FOLH1: variants seen among roughly 807,000 people sequenced by gnomAD.
FOLH1 encodes the protein glutamate carboxypeptidase 2.
Under a neutral mutation model 93.9 loss-of-function variants are expected in FOLH1, and 54 were observed. The observed-to-expected ratio is 0.57, with a 90% CI of 0.46 to 0.72. The LOEUF (loss-of-function observed/expected upper bound fraction) is 0.72, where lower values mean the gene tolerates loss of function less well. Among genes scored for constraint, FOLH1 ranks in the 30% least tolerant of loss-of-function variants. The pLI is 0.00. For missense variants in FOLH1, 571 were observed against 892.5 expected (o/e 0.64, Z 4.59); for synonymous variants, 249 against 303.6 (o/e 0.82, Z 1.87).
chr11:49,146,477 G>C lies in FOLH1; in HGVS notation c.*279C>G, dbSNP rs1855787839. On this transcript the variant is annotated 3_prime_UTR_variant, in exon 19 of 19. Transcript: ENST00000256999. ...TAGACTTGATTCCCTGATAATGCCA[G>C]ATGAGAGTTTTACTATATTAGGCCA... Among the ~76,000 whole-genome samples the C allele has an allele frequency of 6.6e-6, 1 of 152,166 alleles. No homozygotes were observed.
chr11:49,167,834 A>C (rs1858601505), intron 12 of FOLH1, among the ~76,000 whole-genome samples: 4 of 152,052 alleles, frequency 2.6e-5, no homozygotes, highest in Non-Finnish European at 5.9e-5. Flanking sequence ...AGACAAACAA[A>C]AAAACAGAAG....
At chr11:49,169,069 A>C (rs1858854994) in intron 12 of FOLH1, 126 bp downstream of exon 12, 4 of 1,011,338 alleles carry the variant, frequency 4.0e-6, no homozygotes, top group Non-Finnish European at 6.0e-6. Flanking sequence ...GCTTCCTGTC[A>C]GAGGTTGCAG....
intron 3 of FOLH1, among the ~76,000 whole-genome samples, chr11:49,197,551 T>C (rs556954244): frequency 7.7e-4 from 118 of 152,354 alleles, no homozygotes; most frequent in African/African-American, 2.7e-3. Flanking sequence ...TGTCTCTGTA[T>C]ACATTAAAAA....
At chr11:49,207,451 T>A (rs1864103944) in intron 1 of FOLH1, among the ~76,000 whole-genome samples, 1 of 152,248 alleles carries the variant, frequency 6.6e-6, no homozygotes, top group African/African-American at 2.4e-5. Flanking sequence ...CATGCCCTGT[T>A]CTTCTAAATC....
chr11:49,158,218 T>C (rs556487625), intron 13 of FOLH1, among the ~76,000 whole-genome samples, 175 bp from the exon 14 acceptor site: 1 of 152,240 alleles, frequency 6.6e-6, no homozygotes, highest in African/African-American at 2.4e-5. Flanking sequence ...AAAATACTCA[T>C]GTGATTATAT....
intron 4 of FOLH1, among the ~76,000 whole-genome samples, chr11:49,191,059 T>C (rs1861972550): frequency 6.6e-6 from 1 of 152,214 alleles, no homozygotes; most frequent in Non-Finnish European, 1.5e-5. Flanking sequence ...GCAGATCACC[T>C]GAGGTCAGGA....
At chr11:49,161,093 T>C (rs1451345993) in intron 13 of FOLH1, among the ~76,000 whole-genome samples, 1 of 152,230 alleles carries the variant, frequency 6.6e-6, no homozygotes, top group Non-Finnish European at 1.5e-5. Flanking sequence ...ATGAGAAGAA[T>C]GTCTATTCTG....
intron 13 of FOLH1, among the ~76,000 whole-genome samples, chr11:49,163,502 C>G (rs1312298053): frequency 6.9e-6 from 1 of 145,532 alleles, no homozygotes; most frequent in Non-Finnish European, 1.5e-5. Flanking sequence ...CACCTCCCTG[C>G]CCCCCACCAC....
At chr11:49,151,214 C>T (rs1856475611) in intron 17 of FOLH1, among the ~76,000 whole-genome samples, 1 of 152,166 alleles carries the variant, frequency 6.6e-6, no homozygotes, top group Admixed American at 6.5e-5. Flanking sequence ...TATTTGGCAT[C>T]ATGAATTCAG....
At chr11:49,207,267 G>C (rs914831521) in intron 1 of FOLH1, among the ~76,000 whole-genome samples, 14 of 152,192 alleles carry the variant, frequency 9.2e-5, no homozygotes, top group African/African-American at 3.4e-4. Context: ...GAACTCTTCT[G>C]TGTCAGCCAC....
intron 7 of FOLH1, 50 bp downstream of exon 7, chr11:49,183,099 T>C (rs374791440): frequency 1.3e-6 from 2 of 1,502,392 alleles, no homozygotes; most frequent in South Asian, 1.2e-5. Context: ...TTGAAAACTG[T>C]CAATAAGAAA....
chr11:49,190,758 A>C (rs1032561655), intron 4 of FOLH1, among the ~76,000 whole-genome samples: 11 of 152,234 alleles, frequency 7.2e-5, no homozygotes, highest in Non-Finnish European at 1.3e-4. Context: ...CATAAAGCAG[A>C]GTCCCATATT....
chr11:49,162,230 G>C (rs1348885112), intron 13 of FOLH1, among the ~76,000 whole-genome samples: 3 of 151,890 alleles, frequency 2.0e-5, no homozygotes, highest in Non-Finnish European at 4.4e-5. Context: ...TTCCAAGCTG[G>C]TTCCATTCTT....
chr11:49,181,818 C>T (rs1049320949), intron 7 of FOLH1, among the ~76,000 whole-genome samples: 4 of 152,044 alleles, frequency 2.6e-5, no homozygotes, highest in Non-Finnish European at 5.9e-5. Context: ...TCTTAATCTG[C>T]CCTTAAATTG....
intron 12 of FOLH1, among the ~76,000 whole-genome samples, chr11:49,167,624 G>C (rs1033516250): frequency 2.0e-5 from 3 of 152,070 alleles, no homozygotes; most frequent in African/African-American, 4.8e-5. Flanking sequence ...AGACCAACCT[G>C]GGTAATATGG....
chr11:49,154,473 C>A lies in FOLH1; in HGVS notation c.1643G>T (p.Gly548Val). 6.3e-7 allele frequency: 1 copy of A among 1,585,246 alleles called. No individual in the cohort carries two copies. The highest frequency in any genetic ancestry group is 1.1e-5 in the South Asian group (1 of 88,080). Reference protein sequence around the residue: ...TKNWETNKFSGYPLYHSVYET... With the variant: ...TKNWETNKFSVYPLYHSVYET... ...ATAGACACTGTGATACAGTGGATAG[C>A]CGCTGAATTTGTTTGTTTCCTACAG... is the stretch of plus-strand genomic sequence containing the variant. Residue 548 changes from glycine to valine, a missense_variant, in exon 16 of 19, where the codon GGC (glycine) becomes GTC (valine). Coordinates refer to ENST00000256999, the MANE Select transcript of FOLH1 (RefSeq NM_004476.3).
rs138028811 is a variant in FOLH1, at chr11:49,186,714, C to A, written c.569G>T (p.Arg190Leu). 19 of 1,612,938 alleles carry A rather than the reference C, an allele frequency of 1.2e-5. No homozygotes were observed. Among genetic ancestry groups the A allele is most frequent in the Non-Finnish European group, 1.6e-5 (19 of 1,179,560 alleles). The change falls in exon 5 of 19, where the codon CGG (arginine) becomes CTG (leucine). Residue 190 changes from arginine (R) to leucine (L), a missense_variant. This residue lies in a region of FOLH1 where 500 missense variants were observed against 822.9 expected (regional missense o/e 0.61). Transcript: ENST00000256999. ...CCCAGAGCAATTGATTTTCATGTCC[C>A]GTTCCAATTTAAAGAAGTCTTCAGT... ...ARTEDFFKLE[R>L]DMKINCSGKI...
chr11:49,179,334 G>A (rs1860462404), intron 7 of FOLH1, among the ~76,000 whole-genome samples: 1 of 152,148 alleles, frequency 6.6e-6, no homozygotes, highest in African/African-American at 2.4e-5. Context: ...AATCACGTCT[G>A]TAAAACGAGC....
Position 49,147,985 on chromosome 11 carries a change from T to A in FOLH1, c.2063+654A>T, listed in dbSNP as rs569071467. Reference sequence around the variant, plus strand: ...AAATATGCTGCTACTGGTGATCTGATCCAGTCAACCTGCTTGGAAGATGCT... The same window carrying A: ...AAATATGCTGCTACTGGTGATCTGAACCAGTCAACCTGCTTGGAAGATGCT... On this transcript the variant is annotated intron_variant, in intron 18 of 18. Transcript: ENST00000256999. Among the ~76,000 whole-genome samples, 5 of 152,026 alleles carry A rather than the reference T, an allele frequency of 3.3e-5. No individual in the cohort carries two copies. In the South Asian group the frequency reaches 1.0e-3, roughly 32 times the overall value.
Sources: allele counts gnomAD v4.1 joint callset (sites outside exome capture counted in the v4.1 genomes callset), GRCh38; gene constraint gnomAD v4.1.1; regional missense constraint gnomAD v4.1.1; transcripts MANE v1.5; gene names NCBI Gene and HGNC (gene_info 2026-07-23, HGNC 2026-07-21).